The following PCDHGA7 variants were observed in gnomAD, a reference collection of about 807,000 sequenced individuals.
PCDHGA7 encodes the protein protocadherin gamma-A7.
A neutral mutation model predicts 58.3 loss-of-function variants in PCDHGA7; 44 were observed. The observed-to-expected ratio is 0.75, with a 90% CI of 0.59 to 0.97. PCDHGA7 has a LOEUF of 0.97. Ranked by LOEUF, PCDHGA7 falls within the 50% of genes least tolerant of loss-of-function variation. The pLI, the probability that PCDHGA7 is intolerant of heterozygous loss-of-function variation, is 0.00. For synonymous variants in PCDHGA7, 516 were observed against 504.2 expected, an observed-to-expected ratio of 1.02 and a Z score of -0.31; for missense variants, 1,266 against 1,188.7, an observed-to-expected ratio of 1.06 and a Z score of -0.96.
intron 1 of PCDHGA7, among the ~76,000 whole-genome samples, chr5:141,460,961 A>G (rs113156768): frequency 0.11 from 16,010 of 144,518 alleles, 1,385 homozygotes; most frequent in African/African-American, 0.24. Context: ...GTATATATAT[A>G]TGTGTGTGTG....
chr5:141,393,206 A>G (rs774279389), intron 1 of PCDHGA7: 2 of 1,613,588 alleles, frequency 1.2e-6, no homozygotes, highest in Non-Finnish European at 1.7e-6. Flanking sequence ...ATAATAACCC[A>G]AAATTCCAGG....
In PCDHGA7 at chr5:141,432,413, G is replaced by A; in HGVS notation, c.2424+47090G>A. 1.2e-6 allele frequency: 2 copies of A among 1,614,232 alleles called. No homozygotes were observed. The highest frequency in any genetic ancestry group is 2.2e-5 in the South Asian group (2 of 91,082). Reference sequence around the variant, plus strand: ...CAGCAACGTGTCGTTGAGCCTGTTCGTGCTGGACCAGAACGACAATGCGCC... The same window carrying A: ...CAGCAACGTGTCGTTGAGCCTGTTCATGCTGGACCAGAACGACAATGCGCC... On this transcript the variant is annotated intron_variant, in intron 1 of 3. Coordinates refer to ENST00000518325, the MANE Select transcript of PCDHGA7 (RefSeq NM_018920.4). The surrounding 1 kb of genome is among the most constrained non-coding windows in gnomAD (Gnocchi z 6.0).
At chr5:141,404,232 G>GTCCAC (rs2094500642) in intron 1 of PCDHGA7, 1 of 1,613,696 alleles carries the variant, frequency 6.2e-7, no homozygotes, top group African/African-American at 1.3e-5. Flanking sequence ...GCAACAGACA[G>GTCCAC]AGGAACTCCG....
chr5:141,491,714 C>T lies in PCDHGA7; in HGVS notation c.2425-3093C>T, dbSNP rs1321811999. 2 of 1,608,744 alleles carry T rather than the reference C, an allele frequency of 1.2e-6. No individual in the cohort carries two copies. Among genetic ancestry groups the T allele is most frequent in the Non-Finnish European group, 1.7e-6 (2 of 1,177,916 alleles). The stretch of plus-strand genomic sequence containing the variant: ...GAGCGGAGCCAGGTGAGGGGCTCGG[C>T]GCCGCCCCGGGCGACCCCTGGGGGC... On this transcript the variant is annotated intron_variant, in intron 1 of 3. Coordinates refer to ENST00000518325, the MANE Select transcript of PCDHGA7 (RefSeq NM_018920.4). The surrounding 1 kb of genome is among the most constrained non-coding windows in gnomAD (Gnocchi z 6.9).
Position 141,393,015 on chromosome 5 carries a change from T to C in PCDHGA7, c.2424+7692T>C, listed in dbSNP as rs755462760. On this transcript the variant is annotated intron_variant, in intron 1 of 3. Transcript: ENST00000518325. The stretch of plus-strand genomic sequence containing the variant: ...GGCGAAGCACGGAGTCCGTATCGTC[T>C]CCAGAGGTAGGACGCAGCTCTTTGC... The C allele has an allele frequency of 7.9e-5, 127 of 1,613,696 alleles. No homozygotes were observed. The highest frequency in any genetic ancestry group is 1.1e-4 in the Non-Finnish European group (124 of 1,179,874).
At position 141,476,645 on chromosome 5, in the gene PCDHGA7, A is replaced by G. The variant is rs150444699; in HGVS notation, c.2425-18162A>G. The G allele has an allele frequency of 1.2e-4, 199 of 1,614,128 alleles. No homozygotes were observed. Among genetic ancestry groups the G allele is most frequent in the Non-Finnish European group, 1.6e-4 (194 of 1,180,060 alleles). ...TTTACAAACCTATGAGCTGAGCCGA[A>G]ATGAATACTTTGCGCTTCGCGTGCA... On this transcript the variant is annotated intron_variant, in intron 1 of 3. Transcript: ENST00000518325. The surrounding 1 kb of genome is among the most constrained non-coding windows in gnomAD (Gnocchi z 7.6).
chr5:141,405,398 CT>C, intron 1 of PCDHGA7: 1 of 1,590,264 alleles, frequency 6.3e-7, no homozygotes, highest in Non-Finnish European at 8.6e-7. Context: ...TTTTTTCTTT[CT>C]TTCTTTTCTT....
intron 1 of PCDHGA7, chr5:141,428,404 T>A (rs375988962): frequency 2.3e-5 from 11 of 476,688 alleles, no homozygotes; most frequent in East Asian, 2.1e-4. Flanking sequence ...TGCCTGGGGT[T>A]GCTTTCACCC....
At chr5:141,474,106 A>G (rs1334111464) in intron 1 of PCDHGA7, among the ~76,000 whole-genome samples, 1 of 152,108 alleles carries the variant, frequency 6.6e-6, no homozygotes, top group African/African-American at 2.4e-5. Flanking sequence ...CAACAAAAAC[A>G]ACAACAACGA....
Position 141,423,358 on chromosome 5 carries a change from G to A in PCDHGA7, c.2424+38035G>A, listed in dbSNP as rs202010010. The A allele has an allele frequency of 2.3e-4, 371 of 1,614,078 alleles. 1 individual carries two copies. The highest frequency in any genetic ancestry group is 2.8e-4 in the Non-Finnish European group (334 of 1,180,024). ...CTGCATCTTCCTGGTCTTTGTCATC[G>A]TGCTGCTGGCACTCAGGCTGTGGCG... On this transcript the variant is annotated intron_variant, in intron 1 of 3. Coordinates refer to ENST00000518325, the MANE Select transcript of PCDHGA7 (RefSeq NM_018920.4).
intron 1 of PCDHGA7, chr5:141,421,399 C>T (rs777999539): frequency 1.2e-6 from 2 of 1,613,928 alleles, no homozygotes; most frequent in East Asian, 2.2e-5. Flanking sequence ...GCTGGAGCCC[C>T]GGGAGCTGGC....
At position 141,433,358 on chromosome 5, in the gene PCDHGA7, C is replaced by CTATCTAT. The variant is rs2097585632; in HGVS notation, c.2424+48035_2424+48036insTATCTAT. ...ACAGGTGCAAGCCACCTACTGTCTG[C>CTATCTAT]CTATCTATCTATCTATCTATCTATC... On this transcript the variant is annotated intron_variant, in intron 1 of 3. Coordinates refer to ENST00000518325, the MANE Select transcript of PCDHGA7 (RefSeq NM_018920.4). 11 of 503,932 alleles carry CTATCTAT rather than the reference C, an allele frequency of 2.2e-5. No individual in the cohort carries two copies. The African/African-American group carries it at 2.3e-4, about 10-fold the overall frequency. The allele number at this position is 503,932 out of a possible 1,614,324, so 31.2% of individuals were successfully genotyped here.
chr5:141,441,692 G>A (rs1165171238), intron 1 of PCDHGA7: 2 of 301,376 alleles, frequency 6.6e-6, no homozygotes, highest in Non-Finnish European at 1.3e-5. Context: ...AAGAGCAGCC[G>A]CGAGCCTTCA....
At chr5:141,438,621 T>C (rs1164140266) in intron 1 of PCDHGA7, among the ~76,000 whole-genome samples, 4 of 41,368 alleles carry the variant, frequency 9.7e-5, no homozygotes, top group Admixed American at 3.5e-4. Flanking sequence ...TATATATATA[T>C]ATATATATAT....
intron 1 of PCDHGA7, among the ~76,000 whole-genome samples, chr5:141,459,575 G>T (rs2098970751): frequency 1.3e-5 from 2 of 152,132 alleles, no homozygotes; most frequent in Admixed American, 6.5e-5. Context: ...AAACAGAATT[G>T]TTTTGGGGGT....
intron 3 of PCDHGA7, among the ~76,000 whole-genome samples, chr5:141,505,720 G>A (rs1251781594): frequency 2.2e-4 from 34 of 152,212 alleles, no homozygotes; most frequent in Non-Finnish European, 2.9e-5. Context: ...GACTCATGGA[G>A]GGAATAGTGG....
chr5:141,436,298 T>C (rs1480546595), intron 1 of PCDHGA7, among the ~76,000 whole-genome samples: 3 of 152,186 alleles, frequency 2.0e-5, no homozygotes, highest in Non-Finnish European at 4.4e-5. Flanking sequence ...CATTGAGAGT[T>C]AGAGCATGAA....
chr5:141,413,390 C>G, intron 1 of PCDHGA7: 1 of 1,614,010 alleles, frequency 6.2e-7, no homozygotes, highest in Non-Finnish European at 8.5e-7. Context: ...CGCATAGTCT[C>G]CAGAGGTAGG....
chr5:141,476,196 A>G lies in PCDHGA7; in HGVS notation c.2425-18611A>G, dbSNP rs2099386612. The G allele has an allele frequency of 6.2e-7, 1 of 1,613,852 alleles. No individual in the cohort carries two copies. Among genetic ancestry groups the G allele is most frequent in the South Asian group, 1.1e-5 (1 of 91,074 alleles). ...GTTTTGCTTCTGCTTGGTGCCTTGA[A>G]CAAGGCTTCCACGGTCATTCACTAT... On this transcript the variant is annotated intron_variant, in intron 1 of 3. Coordinates refer to ENST00000518325, the MANE Select transcript of PCDHGA7 (RefSeq NM_018920.4). This position sits in a 1 kb window ranked among gnomAD's most constrained non-coding sequence, Gnocchi z 7.6.
Sources: gnomAD v4.1 joint callset for allele counts (sites outside exome capture counted in the v4.1 genomes callset) on GRCh38, gnomAD v4.1.1 for gene constraint, Gnocchi (gnomAD v3.1) non-coding constraint, MANE v1.5 for transcripts, NCBI Gene and HGNC (gene_info 2026-07-23, HGNC 2026-07-21) for gene names.